The following NCAN variants were observed in gnomAD, a reference collection of about 807,000 sequenced individuals.
NCAN encodes the protein neurocan.
Under a neutral mutation model 121.8 loss-of-function variants are expected in NCAN, and 47 were observed. That is an observed-to-expected ratio of 0.39 (90% CI 0.31 to 0.49). The LOEUF (loss-of-function observed/expected upper bound fraction) is 0.49, where lower values mean the gene tolerates loss of function less well. Ranked by LOEUF, NCAN falls within the 20% of genes least tolerant of loss-of-function variation. The pLI is 0.92. For synonymous variants in NCAN, 633 were observed against 702.0 expected, an observed-to-expected ratio of 0.90 and a Z score of 1.55; for missense variants, 1,517 against 1,773.4, an observed-to-expected ratio of 0.86 and a Z score of 2.60.
intron 8 of NCAN, among the ~76,000 whole-genome samples, chr19:19,231,374 A>C (rs889534412): frequency 2.0e-5 from 3 of 146,886 alleles, no homozygotes; most frequent in Non-Finnish European, 4.5e-5. Flanking sequence ...TCCGTCGCCC[A>C]GGCTGGAGTA....
At position 19,219,012 on chromosome 19, in the gene NCAN, G is replaced by T; in HGVS notation, c.171G>T (p.Leu57=). The change falls in exon 3 of 15, where the codon CTG becomes CTT. Residue 57 remains leucine (L), a synonymous_variant. Transcript: ENST00000252575. ...VQAALAELVA[L]PCLFTLQPRP... ...CTGCGCTGGCGGAGCTGGTGGCCCT[G>T]CCCTGTCTCTTTACCCTGCAGCCAC... 6.2e-7 allele frequency: 1 copy of T among 1,608,170 alleles called. No individual in the cohort carries two copies. Among genetic ancestry groups the T allele is most frequent in the Non-Finnish European group, 8.5e-7 (1 of 1,176,448 alleles).
Position 19,242,434 on chromosome 19 carries a change from A to G in NCAN, c.3492+1749A>G, listed in dbSNP as rs141924336. On this transcript the variant is annotated intron_variant, in intron 12 of 14. Coordinates refer to ENST00000252575, the MANE Select transcript of NCAN (RefSeq NM_004386.3). ...GGCGTGGTGGGTGACTCACGCCTGT[A>G]ATCCCAGCACTTTGGGAGGTCGAGG... Among the ~76,000 whole-genome samples, 553 of 149,856 alleles carry G rather than the reference A, an allele frequency of 3.7e-3. 5 individuals carry two copies. Among genetic ancestry groups the G allele is most frequent in the African/African-American group, 0.013 (513 of 40,684 alleles).
intron 8 of NCAN, among the ~76,000 whole-genome samples, chr19:19,232,022 G>A (rs1156576130): frequency 1.3e-5 from 2 of 151,982 alleles, no homozygotes; most frequent in Non-Finnish European, 2.9e-5. Context: ...GGAGAGAAGA[G>A]ACGGGCTAGG....
chr19:19,237,231 T>C (rs2060884261), intron 10 of NCAN, among the ~76,000 whole-genome samples: 1 of 151,904 alleles, frequency 6.6e-6, no homozygotes. Context: ...TAAAAAAAAA[T>C]TATATGTAAT....
At chr19:19,231,682 C>G (rs1465584384) in intron 8 of NCAN, among the ~76,000 whole-genome samples, 2 of 151,894 alleles carry the variant, frequency 1.3e-5, no homozygotes. Flanking sequence ...AGCTCGTTGG[C>G]ATAAAAAAGT....
rs745489604 is a variant in NCAN, at chr19:19,240,647, G to A, written c.3454G>A (p.Val1152Met). 4 of 1,614,078 alleles carry A rather than the reference G, an allele frequency of 2.5e-6. No individual in the cohort carries two copies. Among genetic ancestry groups the A allele is most frequent in the Admixed American group, 1.7e-5 (1 of 60,026 alleles). Reference protein sequence around the residue: ...NTWIGLNDRIVERDFQWTDNT... With the variant: ...NTWIGLNDRIMERDFQWTDNT... ...GTGGATCGGCCTGAACGACAGGATC[G>A]TGGAGAGAGATTTCCAGTGGACGGA... The change falls in exon 12 of 15, where the codon GTG becomes ATG. Residue 1152 changes from valine to methionine, a missense_variant. Coordinates refer to ENST00000252575, the MANE Select transcript of NCAN (RefSeq NM_004386.3).
chr19:19,236,146 G>A (rs1382753370), intron 10 of NCAN, among the ~76,000 whole-genome samples: 2 of 152,080 alleles, frequency 1.3e-5, no homozygotes, highest in Non-Finnish European at 2.9e-5. Context: ...ACCCCAGAAG[G>A]AAACTCTGTG....
At chr19:19,242,084 A>G (rs1298567156) in intron 12 of NCAN, among the ~76,000 whole-genome samples, 1 of 151,938 alleles carries the variant, frequency 6.6e-6, no homozygotes, top group Non-Finnish European at 1.5e-5. Flanking sequence ...AATCCCAGCT[A>G]CTTGGGAGGC....
intron 12 of NCAN, 121 bp downstream of exon 12, chr19:19,240,806 AG>A (rs755279751): frequency 5.3e-6 from 5 of 947,018 alleles, no homozygotes; most frequent in Non-Finnish European, 6.6e-6. Context: ...AGTGGCTCCA[AG>A]ATGCTGGAGT....
chr19:19,217,342 A>G (rs2060799599), intron 2 of NCAN, among the ~76,000 whole-genome samples: 1 of 152,196 alleles, frequency 6.6e-6, no homozygotes, highest in Admixed American at 6.5e-5. Context: ...AGCGATGGAA[A>G]TAAAGGTCTG....
chr19:19,228,929 C>T (rs1015172742), intron 8 of NCAN, among the ~76,000 whole-genome samples: 5 of 152,166 alleles, frequency 3.3e-5, no homozygotes, highest in Non-Finnish European at 5.9e-5. Context: ...AGTGAGTGGC[C>T]GGGCATGGTG....
rs1422772788 is a variant in NCAN at position 19,225,760 on chromosome 19, G to A, written c.1072+490G>A. Among the ~76,000 whole-genome samples the A allele has an allele frequency of 6.6e-6, 1 of 152,180 alleles. No individual in the cohort carries two copies. The highest frequency in any genetic ancestry group is 1.5e-5 in the Non-Finnish European group (1 of 68,010). ...GCAAGCATCAACCCCAAGGAGCCAT[G>A]TCCTCTAAGTAAGCTGCCCCAGTCC... On this transcript the variant is annotated intron_variant, in intron 6 of 14. Coordinates refer to ENST00000252575, the MANE Select transcript of NCAN (RefSeq NM_004386.3). The surrounding 1 kb of genome is among the most constrained non-coding windows in gnomAD (Gnocchi z 4.0).
At chr19:19,247,049 C>T (rs1301422364) in intron 13 of NCAN, among the ~76,000 whole-genome samples, 1 of 152,004 alleles carries the variant, frequency 6.6e-6, no homozygotes, top group East Asian at 1.9e-4. Flanking sequence ...ATTTCTTTGT[C>T]AATTTTCACA....
Position 19,219,410 on chromosome 19 carries a change from T to C in NCAN, c.475+94T>C, listed in dbSNP as rs561174998. Reference sequence around the variant, plus strand: ...GAATGTCACCTTAGAAATCACTCCCTGAGACCTGGCCTGGTGTCTCATGCC... The same window carrying C: ...GAATGTCACCTTAGAAATCACTCCCCGAGACCTGGCCTGGTGTCTCATGCC... On this transcript the variant is annotated intron_variant, in intron 3 of 14. Coordinates refer to ENST00000252575, the MANE Select transcript of NCAN (RefSeq NM_004386.3). 1.8e-5 allele frequency: 23 copies of C among 1,296,130 alleles called. No homozygotes were observed. The South Asian group carries it at 3.0e-4, about 17-fold the overall frequency. 80.3% of individuals were successfully genotyped at this position (1,296,130 alleles called of 1,614,324 possible).
chr19:19,235,700 C>T (rs2060878811), intron 10 of NCAN, among the ~76,000 whole-genome samples: 1 of 151,948 alleles, frequency 6.6e-6, no homozygotes, highest in South Asian at 2.1e-4. Flanking sequence ...CCTCAGCCTC[C>T]CGAGTAGCTG....
chr19:19,248,482 T>C (rs960592532), intron 13 of NCAN, among the ~76,000 whole-genome samples: 2 of 151,454 alleles, frequency 1.3e-5, no homozygotes, highest in Admixed American at 1.3e-4. Flanking sequence ...TAGCCAGGTG[T>C]AGATTACAGG....
intron 4 of NCAN, 35 bp from the exon 5 acceptor site, chr19:19,224,271 C>G: frequency 6.2e-7 from 1 of 1,602,136 alleles, no homozygotes; most frequent in South Asian, 1.1e-5. Context: ...TCCAGGAGCA[C>G]ACATCTGAGA....
chr19:19,230,963 C>G (rs1320823679), intron 8 of NCAN, among the ~76,000 whole-genome samples: 1 of 150,548 alleles, frequency 6.6e-6, no homozygotes, highest in African/African-American at 2.4e-5. Context: ...CCAGGCTGGT[C>G]TCAAACTCCT....
At position 19,251,511 on chromosome 19, in the gene NCAN, T is replaced by C. The variant is rs540523977; in HGVS notation, c.*1600T>C. The stretch of plus-strand genomic sequence containing the variant: ...AGGAGTAAGGATTTGGAATAAGGAT[T>C]TGGTCCTGTTTTCTGGACCAAATCC... On this transcript the variant is annotated 3_prime_UTR_variant, in exon 15 of 15. Coordinates refer to ENST00000252575, the MANE Select transcript of NCAN (RefSeq NM_004386.3). 1 of 152,204 alleles carries C rather than the reference T, an allele frequency of 6.6e-6. No homozygotes were observed. The allele number at this position is 152,204 out of a possible 1,614,324, so 9.4% of individuals were successfully genotyped here.
Sources: allele counts gnomAD v4.1 joint callset (sites outside exome capture counted in the v4.1 genomes callset), GRCh38; gene constraint gnomAD v4.1.1; non-coding constraint Gnocchi (gnomAD v3.1); transcripts MANE v1.5; gene names NCBI Gene and HGNC (gene_info 2026-07-23, HGNC 2026-07-21).